DAPK2: variants seen among roughly 807,000 people sequenced by gnomAD.
DAPK2 encodes death-associated protein kinase 2.
DAPK2 carries 35 observed loss-of-function variants against 44.1 expected under a neutral mutation model. That is an observed-to-expected ratio of 0.79 (90% CI 0.61 to 1.05). The LOEUF (loss-of-function observed/expected upper bound fraction) is 1.05. Ranked by LOEUF, DAPK2 falls within the 50% of genes least tolerant of loss-of-function variation. The pLI is 0.00. For missense variants in DAPK2, 453 were observed against 483.2 expected (o/e 0.94, Z 0.59); for synonymous variants, 174 against 182.6 (o/e 0.95, Z 0.38).
At position 63,973,154 on chromosome 15, in the gene DAPK2, A is replaced by G. The variant is rs371407975; in HGVS notation, c.315-1593T>C. Among the ~76,000 whole-genome samples the G allele has an allele frequency of 7.1e-4, 108 of 152,144 alleles. 1 individual carries two copies. In the South Asian group the frequency reaches 0.021, roughly 30 times the overall value. On this transcript the variant is annotated intron_variant, in intron 2 of 10. Coordinates refer to ENST00000261891, the Ensembl canonical transcript of DAPK2. ...TTTGCTCTCCAAACTCTGTTGCCATACTCCTCAGACATACCAGGTGTGGCT... is the reference window on the plus strand; with the variant it reads ...TTTGCTCTCCAAACTCTGTTGCCATGCTCCTCAGACATACCAGGTGTGGCT...
chr15:63,911,843 C>A, intron 10 of DAPK2, 65 bp downstream of exon 11: 1 of 1,524,936 alleles, frequency 6.6e-7, no homozygotes, highest in Non-Finnish European at 9.0e-7. Flanking sequence ...AAAGGGAACT[C>A]ACCCATCCCT....
intron 1 of DAPK2, among the ~76,000 whole-genome samples, chr15:64,024,534 G>A (rs1226888916): frequency 1.3e-5 from 2 of 152,158 alleles, no homozygotes; most frequent in African/African-American, 2.4e-5. Context: ...ACCATCTTAC[G>A]ATGAAGAAAC....
At chr15:64,023,016 G>A (rs1412146094) in intron 1 of DAPK2, among the ~76,000 whole-genome samples, 2 of 152,122 alleles carry the variant, frequency 1.3e-5, no homozygotes, top group Non-Finnish European at 2.9e-5. Context: ...CTCACTGTAG[G>A]TACCAGTATA....
At position 64,013,731 on chromosome 15, in the gene DAPK2, C is replaced by A. The variant is rs1831736901; in HGVS notation, c.92+26439G>T. Among the ~76,000 whole-genome samples the A allele has an allele frequency of 6.6e-6, 1 of 152,174 alleles. No individual in the cohort carries two copies. Among genetic ancestry groups the A allele is most frequent in the South Asian group, 2.1e-4 (1 of 4,830 alleles). ...TTCCTGGCAGCGGTGACTGAGAAAG[C>A]AAGCTGGATTTGAGAAATTATTCAT... is the stretch of plus-strand genomic sequence containing the variant. On this transcript the variant is annotated intron_variant, in intron 1 of 10. Coordinates refer to ENST00000261891, the Ensembl canonical transcript of DAPK2. This position sits in a 1 kb window ranked among gnomAD's most constrained non-coding sequence, Gnocchi z 4.7.
intron 2 of DAPK2, among the ~76,000 whole-genome samples, chr15:63,981,655 G>GT (rs371166784): frequency 1.4e-3 from 203 of 146,984 alleles, no homozygotes; most frequent in Middle Eastern, 7.0e-3. Context: ...TTCCTGCTTA[G>GT]TTTTTTTTTT....
intron 1 of DAPK2, among the ~76,000 whole-genome samples, chr15:64,002,305 T>A (rs1306673576): frequency 1.3e-5 from 2 of 152,240 alleles, no homozygotes; most frequent in Non-Finnish European, 2.9e-5. Flanking sequence ...GAAATTCCTT[T>A]TTTTATGTAA....
In DAPK2 at chr15:63,910,085, C is replaced by G. The variant is rs548214291; in HGVS notation, c.1033-1485G>C. 3.3e-5 allele frequency among the ~76,000 whole-genome samples: 5 copies of G among 152,312 alleles called. No homozygotes were observed. In the South Asian group the frequency reaches 8.3e-4, roughly 25 times the overall value. On this transcript the variant is annotated intron_variant, in intron 10 of 10. Transcript: ENST00000261891. ...CTTTTTAGCTTGAGTCAGAGCCAAACAGTAAAAAAATAAGCTGGGTAAAGT... is the reference window on the plus strand; with the variant it reads ...CTTTTTAGCTTGAGTCAGAGCCAAAGAGTAAAAAAATAAGCTGGGTAAAGT...
chr15:63,964,410 C>G (rs755383076), intron 3 of DAPK2, among the ~76,000 whole-genome samples: 43 of 152,160 alleles, frequency 2.8e-4, no homozygotes, highest in Non-Finnish European at 5.1e-4. Context: ...TATTAAATGT[C>G]TTTAATTTTT....
chr15:63,926,343 A>G, intron 6 of DAPK2: 1 of 408,186 alleles, frequency 2.4e-6, no homozygotes. Context: ...AGCGGAGGGG[A>G]GAGAAACACA....
At chr15:63,951,747 G>A (rs1411046604) in intron 3 of DAPK2, among the ~76,000 whole-genome samples, 1 of 152,230 alleles carries the variant, frequency 6.6e-6, no homozygotes, top group Non-Finnish European at 1.5e-5. Context: ...TCAGTAAATT[G>A]AAATCCACCT....
intron 3 of DAPK2, among the ~76,000 whole-genome samples, chr15:63,950,571 A>C (rs12916806): frequency 0.49 from 74,315 of 151,888 alleles, 19,389 homozygotes; most frequent in East Asian, 0.97. Flanking sequence ...AAAGAAAAAA[A>C]CACTGTTTTA....
At position 63,923,022 on chromosome 15, in the gene DAPK2, T is replaced by C. The variant is rs150636062; in HGVS notation, c.858+1794A>G. ...AGCAGCTTCTTCAATGACTCCACCT[T>C]GCGGAACTCATACCTGAGCTGGGAC... On this transcript the variant is annotated intron_variant, in intron 8 of 10. Transcript: ENST00000261891. This position sits in a 1 kb window ranked among gnomAD's most constrained non-coding sequence, Gnocchi z 4.2. 5.9e-4 allele frequency: 910 copies of C among 1,535,814 alleles called. 11 individuals are homozygous for C. In the African/African-American group the frequency reaches 0.01, roughly 17 times the overall value.
upstream of DAPK2, among the ~76,000 whole-genome samples, chr15:64,040,815 GA>G (rs1325045689): frequency 6.7e-6 from 1 of 148,752 alleles, no homozygotes; most frequent in East Asian, 2.1e-4. Context: ...GGAGGAGGCT[GA>G]GGCAGAAGAA....
rs1009690269 is a variant in DAPK2 at position 63,939,666 on chromosome 15, A to C, written c.454-305T>G. Among the ~76,000 whole-genome samples, 1 of 152,194 alleles carries C rather than the reference A, an allele frequency of 6.6e-6. No homozygotes were observed. The highest frequency in any genetic ancestry group is 1.5e-5 in the Non-Finnish European group (1 of 68,032). ...TCTGAGTGGCAGATCCCTTTAATGC[A>C]GTGCCTCTGTTTTCCTATCTGTCAA... On this transcript the variant is annotated intron_variant, in intron 3 of 10. Transcript: ENST00000261891. The surrounding 1 kb of genome is among the most constrained non-coding windows in gnomAD (Gnocchi z 4.3).
intron 3 of DAPK2, among the ~76,000 whole-genome samples, chr15:63,956,048 C>G (rs2077713361): frequency 6.6e-6 from 1 of 152,160 alleles, no homozygotes; most frequent in Admixed American, 6.5e-5. Context: ...AGAAATGTAT[C>G]CATTTCTTCT....
chr15:64,036,328 T>TATATATATAC (rs2080200951), intron 1 of DAPK2, among the ~76,000 whole-genome samples: 3 of 123,362 alleles, frequency 2.4e-5, no homozygotes, highest in Non-Finnish European at 3.4e-5. Flanking sequence ...TGTATATATA[T>TATATATATAC]ATATATATAC....
chr15:63,974,073 T>A (rs1044420110), intron 2 of DAPK2, among the ~76,000 whole-genome samples: 1 of 152,216 alleles, frequency 6.6e-6, no homozygotes, highest in African/African-American at 2.4e-5. Context: ...CTGTTTTTGA[T>A]GTTTGATACT....
exon 7 of DAPK2, chr15:63,926,037 A>G: frequency 4.3e-6 from 7 of 1,614,122 alleles, no homozygotes; most frequent in Non-Finnish European, 5.1e-6. Context: ...CACTGCTGTG[A>G]TATTTGCCAG....
chr15:63,987,067 T>C (rs995386795), intron 1 of DAPK2, among the ~76,000 whole-genome samples: 1 of 152,232 alleles, frequency 6.6e-6, no homozygotes, highest in African/African-American at 2.4e-5. Context: ...CCAGTCTAAC[T>C]GCTGTGTTAT....
Sources: gnomAD v4.1 joint callset for allele counts (sites outside exome capture counted in the v4.1 genomes callset) on GRCh38, gnomAD v4.1.1 for gene constraint, Gnocchi (gnomAD v3.1) non-coding constraint, MANE v1.5 for transcripts, NCBI Gene and HGNC (gene_info 2026-07-23, HGNC 2026-07-21) for gene names.